The following C1GALT1 variants were observed in gnomAD, a reference collection of about 807,000 sequenced individuals.
C1GALT1 encodes the protein glycoprotein-N-acetylgalactosamine 3-beta-galactosyltransferase 1.
A neutral mutation model predicts 31.0 loss-of-function variants in C1GALT1; 11 were observed. The ratio of observed to expected loss-of-function variants is 0.36; its 90% confidence interval spans 0.22 to 0.59. C1GALT1 has a LOEUF of 0.59. Ranked by LOEUF, C1GALT1 falls within the 20% of genes least tolerant of loss-of-function variation. The pLI, the probability that C1GALT1 is intolerant of heterozygous loss-of-function variation, is 0.79. For missense variants in C1GALT1, 424 were observed against 425.2 expected, an observed-to-expected ratio of 1.00 and a Z score of 0.03; for synonymous variants, 175 against 143.6, an observed-to-expected ratio of 1.22 and a Z score of -1.56.
Position 7,191,395 on chromosome 7 carries a change from C to T in C1GALT1, c.-18+8575C>T, listed in dbSNP as rs376658008. Among the ~76,000 whole-genome samples, 15 of 152,194 alleles carry T rather than the reference C, an allele frequency of 9.9e-5. No individual in the cohort carries two copies. In the East Asian group the frequency reaches 2.3e-3, roughly 24 times the overall value. On this transcript the variant is annotated intron_variant, in intron 1 of 3. Transcript: ENST00000436587. ...CTTGTTCATTCATCCTCAGTGAACA[C>T]GTGGTTTGCTTCACATTTTAGCTCT... is the stretch of plus-strand genomic sequence containing the variant.
At chr7:7,161,376 A>G (rs901771146) in intron 2 of C1GALT1, among the ~76,000 whole-genome samples, 31 of 152,262 alleles carry the variant, frequency 2.0e-4, no homozygotes, top group Non-Finnish European at 1.3e-4. Flanking sequence ...TTTTAGTATA[A>G]ACATATTTAC....
chr7:7,186,566 G>A (rs928527170), intron 1 of C1GALT1, among the ~76,000 whole-genome samples: 4 of 152,128 alleles, frequency 2.6e-5, no homozygotes, highest in Non-Finnish European at 5.9e-5. Context: ...TGATCAAGAT[G>A]GAAAAGAGAC....
intron 2 of C1GALT1, among the ~76,000 whole-genome samples, chr7:7,159,163 C>G (rs1780305142): frequency 6.6e-6 from 1 of 151,988 alleles, no homozygotes; most frequent in African/African-American, 2.4e-5. Flanking sequence ...ACAGCTGGGA[C>G]TCAAATGATT....
intron 2 of C1GALT1, among the ~76,000 whole-genome samples, chr7:7,166,988 T>C (rs1280825961): frequency 6.6e-6 from 1 of 152,200 alleles, no homozygotes; most frequent in East Asian, 1.9e-4. Context: ...TAAACTGTGC[T>C]AAGCCATGAC....
chr7:7,219,225 C>T (rs1782396411), intron 1 of C1GALT1, among the ~76,000 whole-genome samples: 1 of 152,114 alleles, frequency 6.6e-6, no homozygotes. Flanking sequence ...TATACATAGG[C>T]TTTTAGGGGA....
chr7:7,203,092 G>GTTT (rs35048292), intron 1 of C1GALT1, among the ~76,000 whole-genome samples: 12,838 of 137,496 alleles, frequency 0.093, 700 homozygotes, highest in East Asian at 0.15. Context: ...GTTCTAACAG[G>GTTT]TTTTTTTTTT....
intron 1 of C1GALT1, among the ~76,000 whole-genome samples, chr7:7,195,710 G>A (rs1167128401): frequency 6.6e-6 from 1 of 152,098 alleles, no homozygotes; most frequent in Non-Finnish European, 1.5e-5. Context: ...TAGTTTAAGT[G>A]CATTGTATCT....
rs1780316148 is a variant in C1GALT1 at position 7,159,919 on chromosome 7, T to C, written c.-18+2493T>C. Among the ~76,000 whole-genome samples the C allele has an allele frequency of 2.6e-5, 4 of 152,272 alleles. No homozygotes were observed. The South Asian group carries it at 8.3e-4, about 32-fold the overall frequency. ...GGCCTTTCAGCTATCAGCTCCGAGC[T>C]TGGTAAACTGGAGCACAGCATCTCT... On this transcript the variant is annotated intron_variant, in intron 2 of 3. Transcript: ENST00000429911.
intron 1 of C1GALT1, among the ~76,000 whole-genome samples, chr7:7,219,674 A>G (rs1450777482): frequency 1.3e-5 from 2 of 152,208 alleles, no homozygotes; most frequent in Admixed American, 6.5e-5. Context: ...TATATTCATT[A>G]AACTCAATTT....
In C1GALT1 at chr7:7,243,979, A is replaced by T; in HGVS notation, c.*252A>T. ...AACTTGTGTTTTTTAAATGGTGGCCAGGTAGAGGAACTAGAAAAGAGATTT... is the reference window on the plus strand; with the variant it reads ...AACTTGTGTTTTTTAAATGGTGGCCTGGTAGAGGAACTAGAAAAGAGATTT... On this transcript the variant is annotated 3_prime_UTR_variant, in exon 4 of 4. Coordinates refer to ENST00000436587, the MANE Select transcript of C1GALT1 (RefSeq NM_020156.5). The T allele has an allele frequency of 4.1e-6, 1 of 244,508 alleles. No homozygotes were observed. The highest frequency in any genetic ancestry group is 7.7e-6 in the Non-Finnish European group (1 of 129,108). 15.1% of individuals were successfully genotyped at this position (244,508 alleles called of 1,614,324 possible). A position where few individuals can be genotyped will look rare whatever the true frequency, so the allele number is the denominator to read the frequency against.
chr7:7,173,616 G>A (rs1780476464), intron 2 of C1GALT1, among the ~76,000 whole-genome samples: 1 of 152,128 alleles, frequency 6.6e-6, no homozygotes. Flanking sequence ...AAATAGTACA[G>A]ACTGGACTGG....
At chr7:7,183,548 A>G (rs1780684712) in intron 1 of C1GALT1, 2 of 983,962 alleles carry the variant, frequency 2.0e-6, no homozygotes, top group Non-Finnish European at 2.4e-6. Flanking sequence ...ACAAATTGTG[A>G]TGGAATTAGT....
chr7:7,200,147 A>G (rs1781474127), intron 1 of C1GALT1, among the ~76,000 whole-genome samples: 1 of 152,190 alleles, frequency 6.6e-6, no homozygotes, highest in Admixed American at 6.5e-5. Flanking sequence ...GATGGTCTTT[A>G]CAATTTGTCA....
chr7:7,215,174 G>T (rs111248630), intron 1 of C1GALT1, among the ~76,000 whole-genome samples: 5 of 152,270 alleles, frequency 3.3e-5, no homozygotes, highest in African/African-American at 9.6e-5. Context: ...GTTTGCCACC[G>T]ACTGCTTTGC....
Position 7,238,221 on chromosome 7 carries a change from T to C in C1GALT1, c.221-34T>C. ...TATTAATATTTGGATTTTACATCTA[T>C]GTAAATAACCTTTTAAAATGTTTTG... is the stretch of plus-strand genomic sequence containing the variant. On this transcript the variant is annotated intron_variant, in intron 2 of 3. Coordinates refer to ENST00000436587, the MANE Select transcript of C1GALT1 (RefSeq NM_020156.5). This position sits in a 1 kb window ranked among gnomAD's most constrained non-coding sequence, Gnocchi z 5.2. 1.3e-6 allele frequency: 2 copies of C among 1,515,840 alleles called. No individual in the cohort carries two copies. The highest frequency in any genetic ancestry group is 1.4e-5 in the African/African-American group (1 of 71,382). The allele number at this position is 1,515,840 out of a possible 1,614,324, so 93.9% of individuals were successfully genotyped here. A position where few individuals can be genotyped will look rare whatever the true frequency, so the allele number is the denominator to read the frequency against.
Position 7,230,711 on chromosome 7 carries a change from G to C in C1GALT1, c.-17-3592G>C, listed in dbSNP as rs375584392. Among the ~76,000 whole-genome samples, 344 of 113,848 alleles carry C rather than the reference G, an allele frequency of 3.0e-3. 1 individual carries two copies. Among genetic ancestry groups the C allele is most frequent in the African/African-American group, 0.01 (321 of 30,834 alleles). 74.7% of individuals were successfully genotyped at this position (113,848 alleles called of 152,430 possible). ...TTGAATTTAATTATATTGTTTTACT[G>C]TTTGTTTGTTTAAAGATTATATTAG... On this transcript the variant is annotated intron_variant, in intron 1 of 3. Coordinates refer to ENST00000436587, the MANE Select transcript of C1GALT1 (RefSeq NM_020156.5).
chr7:7,160,041 C>A (rs959742516), intron 2 of C1GALT1, among the ~76,000 whole-genome samples: 1 of 152,152 alleles, frequency 6.6e-6, no homozygotes, highest in Non-Finnish European at 1.5e-5. Flanking sequence ...GGCAGCAACA[C>A]TGTGAACGGC....
intron 1 of C1GALT1, among the ~76,000 whole-genome samples, chr7:7,196,047 G>C (rs1178879030): frequency 6.6e-6 from 1 of 150,398 alleles, no homozygotes; most frequent in East Asian, 1.9e-4. Flanking sequence ...TGTTGTTGTT[G>C]TTGTTTTTGT....
chr7:7,228,531 G>C (rs566434032), intron 1 of C1GALT1, among the ~76,000 whole-genome samples: 2 of 152,196 alleles, frequency 1.3e-5, no homozygotes, highest in South Asian at 4.1e-4. Context: ...TTGTGGACAT[G>C]ATTTTTGCCA....
Sources: gnomAD v4.1 joint callset for allele counts (sites outside exome capture counted in the v4.1 genomes callset) on GRCh38, gnomAD v4.1.1 for gene constraint, Gnocchi (gnomAD v3.1) non-coding constraint, MANE v1.5 for transcripts, NCBI Gene and HGNC (gene_info 2026-07-23, HGNC 2026-07-21) for gene names.